NFIB: variants seen among roughly 807,000 people sequenced by gnomAD.
NFIB encodes nuclear factor I B.
In NFIB, 11 loss-of-function variants were observed where a neutral mutation model predicts 61.5. The observed-to-expected ratio is 0.18, with a 90% CI of 0.11 to 0.30. The LOEUF is 0.30. Ranked by LOEUF, NFIB falls within the 10% of genes least tolerant of loss-of-function variation. The probability of loss-of-function intolerance (pLI) is 1.00; values close to 1 mark genes in which losing one functional copy is unlikely to be tolerated. For missense variants in NFIB, 471 were observed against 608.9 expected, an observed-to-expected ratio of 0.77 and a Z score of 2.38; for synonymous variants, 260 against 216.5, an observed-to-expected ratio of 1.20 and a Z score of -1.76.
chr9:14,498,837 T>C, the NFIB span, among the ~76,000 whole-genome samples: 153 of 85,558 alleles, frequency 1.8e-3, no homozygotes, highest in Middle Eastern at 8.5e-3. Flanking sequence ...CTCCCTTCCT[T>C]CCTTCCTTCC....
At chr9:14,173,670 G>C (rs1490788109) in intron 3 of NFIB, among the ~76,000 whole-genome samples, 2 of 152,074 alleles carry the variant, frequency 1.3e-5, no homozygotes, top group Admixed American at 6.6e-5. Flanking sequence ...TTTACACAAG[G>C]GCAAATGGCT....
rs987581149 is a variant in NFIB, at chr9:14,354,247, T to TA, written c.108+44276dup. Among the ~76,000 whole-genome samples, 29 of 152,210 alleles carry TA rather than the reference T, an allele frequency of 1.9e-4. No homozygotes were observed. In the South Asian group the frequency reaches 3.3e-3, roughly 17 times the overall value. Reference sequence around the variant, plus strand: ...TTAGTGTCTCCTTTCCTTTTAAAAATAAAAAAATAGCTCTTTTGAGCACAG... The same window carrying TA: ...TTAGTGTCTCCTTTCCTTTTAAAAATAAAAAAAATAGCTCTTTTGAGCACAG... On this transcript the variant is annotated intron_variant, in intron 1 of 8. Coordinates refer to the NFIB transcript ENST00000380934.
At chr9:14,332,549 G>A (rs1035082756) in intron 1 of NFIB, among the ~76,000 whole-genome samples, 4 of 152,082 alleles carry the variant, frequency 2.6e-5, no homozygotes, top group Admixed American at 1.3e-4. Context: ...CCTGTGCCAC[G>A]CCCTGTGCTC....
intron 10 of NFIB, among the ~76,000 whole-genome samples, chr9:14,109,199 C>G (rs947481144): frequency 1.3e-5 from 2 of 152,108 alleles, no homozygotes; most frequent in South Asian, 2.1e-4. Context: ...AATTGTTAGA[C>G]TGAATTATAA....
At chr9:14,216,505 T>C (rs2050881621) in intron 2 of NFIB, among the ~76,000 whole-genome samples, 1 of 2,698 alleles carries the variant, frequency 3.7e-4, no homozygotes, top group Non-Finnish European at 2.6e-3. Flanking sequence ...TCTCTCTCTC[T>C]CTCTCTCTCT....
At chr9:14,258,732 C>T (rs933469933) in intron 2 of NFIB, among the ~76,000 whole-genome samples, 1 of 152,218 alleles carries the variant, frequency 6.6e-6, no homozygotes, top group Non-Finnish European at 1.5e-5. Flanking sequence ...AAAAGTTTTA[C>T]ATCCTCTCTT....
At chr9:14,402,424 A>G (rs1256878279), upstream of NFIB, among the ~76,000 whole-genome samples, 1 of 152,172 alleles carries the variant, frequency 6.6e-6, no homozygotes, top group Non-Finnish European at 1.5e-5. Flanking sequence ...GCTTAAATAC[A>G]GTTGAAGTAA....
At chr9:14,381,887 G>A (rs12338474) in intron 1 of NFIB, among the ~76,000 whole-genome samples, 2,305 of 152,352 alleles carry the variant, frequency 0.015, 62 homozygotes, top group African/African-American at 0.052. Flanking sequence ...GAAACGTTTT[G>A]AGTGCTCCTA....
At chr9:14,433,503 T>C in the NFIB span, among the ~76,000 whole-genome samples, 7 of 152,178 alleles carry the variant, frequency 4.6e-5, no homozygotes, top group African/African-American at 1.7e-4. Flanking sequence ...CTCTCTGTCA[T>C]CCTGAAAAAA....
At chr9:14,402,663 T>C (rs963720645), upstream of NFIB, among the ~76,000 whole-genome samples, 1 of 152,138 alleles carries the variant, frequency 6.6e-6, no homozygotes, top group Non-Finnish European at 1.5e-5. Flanking sequence ...AACATGTTCA[T>C]TTACATTTGA....
intron 2 of NFIB, 89 bp from the exon 3 acceptor site, chr9:14,179,869 G>A: frequency 6.7e-6 from 9 of 1,345,586 alleles, no homozygotes; most frequent in African/African-American, 2.9e-5. Context: ...AAAATTTGAA[G>A]GTATAAAAAT....
intron 1 of NFIB, among the ~76,000 whole-genome samples, chr9:14,327,312 C>T (rs1038972904): frequency 6.6e-6 from 1 of 152,190 alleles, no homozygotes; most frequent in Non-Finnish European, 1.5e-5. Context: ...CAAATGTCCC[C>T]AGTGTCACAG....
the NFIB span, among the ~76,000 whole-genome samples, chr9:14,516,741 G>A: frequency 6.6e-6 from 1 of 152,138 alleles, no homozygotes; most frequent in Non-Finnish European, 1.5e-5. Context: ...GGATTTTCAA[G>A]CTCTTGCCCT....
the NFIB span, among the ~76,000 whole-genome samples, chr9:14,501,234 T>G: frequency 6.6e-6 from 1 of 152,172 alleles, no homozygotes; most frequent in Non-Finnish European, 1.5e-5. Context: ...CTGCCCTCTC[T>G]TTCCGCTCCT....
At chr9:14,190,752 A>G (rs1388614422) in intron 2 of NFIB, among the ~76,000 whole-genome samples, 1 of 152,226 alleles carries the variant, frequency 6.6e-6, no homozygotes, top group Non-Finnish European at 1.5e-5. Flanking sequence ...CTTTTTGTAA[A>G]AAGAGAAGGT....
chr9:14,231,139 T>A (rs1329835564), intron 2 of NFIB, among the ~76,000 whole-genome samples: 1,235 of 108,892 alleles, frequency 0.011, 12 homozygotes, highest in Non-Finnish European at 0.016. Context: ...AAAAAAAATA[T>A]ATATATATAT....
In NFIB at chr9:14,342,452, G is replaced by T. The variant is rs572815454; in HGVS notation, c.109-34932C>A. Among the ~76,000 whole-genome samples, 408 of 152,054 alleles carry T rather than the reference G, an allele frequency of 2.7e-3. 1 individual carries two copies. Among genetic ancestry groups the T allele is most frequent in the African/African-American group, 9.1e-3 (378 of 41,466 alleles). ...GGAAGGAAGGAAGGAAGGAAGACGG[G>T]AGGCAGGGAGGAGGGAAGGGAAGGA... On this transcript the variant is annotated intron_variant, in intron 1 of 8. Coordinates refer to the NFIB transcript ENST00000380934.
the NFIB span, among the ~76,000 whole-genome samples, chr9:14,515,256 G>A: frequency 1.3e-5 from 2 of 152,124 alleles, no homozygotes; most frequent in African/African-American, 4.8e-5. Flanking sequence ...GAATCAGATG[G>A]AGGAAGTGGG....
intron 3 of NFIB, among the ~76,000 whole-genome samples, chr9:14,159,731 G>A (rs1260348431): frequency 1.3e-5 from 2 of 152,194 alleles, no homozygotes; most frequent in South Asian, 2.1e-4. Context: ...AATACTTGAG[G>A]GCTGTAGCAA....
Sources: gnomAD v4.1 joint callset for allele counts (sites outside exome capture counted in the v4.1 genomes callset) on GRCh38, gnomAD v4.1.1 for gene constraint, MANE v1.5 for transcripts, NCBI Gene and HGNC (gene_info 2026-07-23, HGNC 2026-07-21) for gene names.